ACMSD: variants seen among roughly 807,000 people sequenced by gnomAD.
ACMSD encodes the protein aminocarboxymuconate semialdehyde decarboxylase.
In ACMSD, 37 loss-of-function variants were observed where a neutral mutation model predicts 45.9. That is an observed-to-expected ratio of 0.81 (90% CI 0.62 to 1.06). ACMSD has a LOEUF of 1.06. ACMSD is among the 50% of genes least tolerant of loss of function. The pLI, the probability that ACMSD is intolerant of heterozygous loss-of-function variation, is 0.00. For synonymous variants in ACMSD, 138 were observed against 148.8 expected (o/e 0.93, Z 0.53); for missense variants, 434 against 420.9 (o/e 1.03, Z -0.27).
intron 9 of ACMSD, among the ~76,000 whole-genome samples, chr2:134,900,874 T>C (rs1259257360): frequency 2.0e-5 from 3 of 152,128 alleles, no homozygotes; most frequent in Non-Finnish European, 4.4e-5. Flanking sequence ...CAGGATCAGA[T>C]CTCCATCCAA....
chr2:134,898,138 G>A (rs546824438), intron 8 of ACMSD, among the ~76,000 whole-genome samples: 41 of 150,758 alleles, frequency 2.7e-4, no homozygotes, highest in Non-Finnish European at 4.4e-4. Context: ...ACCTAATAGT[G>A]ACACCTGCTG....
intron 2 of ACMSD, 128 bp from the exon 3 acceptor site, chr2:134,859,133 T>G (rs945452709): frequency 1.3e-6 from 1 of 777,102 alleles, no homozygotes; most frequent in South Asian, 2.0e-5. Context: ...TACTGATTTC[T>G]ACTTCCACAA....
In ACMSD at chr2:134,859,307, G is replaced by T; in HGVS notation, c.149G>T (p.Arg50Leu). ...LKDGKVFRVV[R>L]ENCWDPEVRI... is the part of the protein sequence containing the mutation. ...GATGGGAAAGTCTTCAGAGTGGTGCGAGAGAATTGCTGGGATCCAGAAGTT... is the reference window on the plus strand; with the variant it reads ...GATGGGAAAGTCTTCAGAGTGGTGCTAGAGAATTGCTGGGATCCAGAAGTT... The change falls in exon 3 of 10, where the codon CGA becomes CTA. Residue 50 changes from arginine to leucine, a missense_variant. Transcript: ENST00000356140. 6.2e-7 allele frequency: 1 copy of T among 1,614,074 alleles called. No homozygotes were observed. The highest frequency in any genetic ancestry group is 8.5e-7 in the Non-Finnish European group (1 of 1,180,012).
intron 2 of ACMSD, among the ~76,000 whole-genome samples, chr2:134,855,923 A>C (rs1354899814): frequency 6.6e-6 from 1 of 152,170 alleles, no homozygotes; most frequent in Non-Finnish European, 1.5e-5. Context: ...GACTCCACCA[A>C]GCAGAGCTCA....
At chr2:134,865,979 T>G (rs1017588300) in intron 5 of ACMSD, among the ~76,000 whole-genome samples, 1 of 152,212 alleles carries the variant, frequency 6.6e-6, no homozygotes, top group Non-Finnish European at 1.5e-5. Context: ...TAGTTAATAA[T>G]TATAAAATTC....
In ACMSD at chr2:134,886,243, A is replaced by ATTT. The variant is rs200101134; in HGVS notation, c.850-12096_850-12095insTTT. Among the ~76,000 whole-genome samples the ATTT allele has an allele frequency of 8.2e-3, 1,006 of 122,898 alleles. 31 individuals are homozygous for ATTT. In the East Asian group the frequency reaches 0.11, roughly 13 times the overall value. 80.6% of individuals were successfully genotyped at this position (122,898 alleles called of 152,430 possible). On this transcript the variant is annotated intron_variant, in intron 8 of 9. Coordinates refer to ENST00000356140, the MANE Select transcript of ACMSD (RefSeq NM_138326.3). ...AATTCATTACCCATTCATTATTATT[A>ATTT]TTATTTTTTTTTTTTTTTTTTTTTT...
intron 8 of ACMSD, among the ~76,000 whole-genome samples, chr2:134,896,175 T>C (rs1250567201): frequency 2.6e-5 from 4 of 152,222 alleles, no homozygotes; most frequent in Admixed American, 2.0e-4. Context: ...AAGACTTAAA[T>C]TGAAGAACTA....
rs1398568664 is a variant in ACMSD, at chr2:134,863,636, G to GT, written c.486+6dup. 12 of 1,613,562 alleles carry GT rather than the reference G, an allele frequency of 7.4e-6. No homozygotes were observed. Among genetic ancestry groups the GT allele is most frequent in the Non-Finnish European group, 1.0e-5 (12 of 1,179,878 alleles). The stretch of plus-strand genomic sequence containing the variant: ...GAGCTCTTTCCTGTCTATGCGGTGA[G>GT]TAGCGGGGCTGCTCAGCCAACGCCA... On this transcript the variant is annotated splice_donor_region_variant and intron_variant, in intron 5 of 9. Coordinates refer to ENST00000356140, the MANE Select transcript of ACMSD (RefSeq NM_138326.3).
At chr2:134,852,646 TG>T (rs1273850074) in intron 2 of ACMSD, among the ~76,000 whole-genome samples, 24 of 152,188 alleles carry the variant, frequency 1.6e-4, no homozygotes, top group Admixed American at 1.2e-3. Flanking sequence ...TTGGGTTGGT[TG>T]AAGTAGGGCC....
intron 8 of ACMSD, among the ~76,000 whole-genome samples, chr2:134,888,699 A>C: frequency 6.6e-6 from 1 of 150,636 alleles, no homozygotes; most frequent in East Asian, 1.9e-4. Flanking sequence ...ACTACAACAT[A>C]GATAACTCTT....
Position 134,867,598 on chromosome 2 carries a change from G to C in ACMSD, c.506G>C (p.Cys169Ser). Reference sequence around the variant, plus strand: ...TTGAAGGCAGCCGAAAGGCTGAAGTGTTCCCTGTTCGTGCATCCCTGGGAC... The same window carrying C: ...TTGAAGGCAGCCGAAAGGCTGAAGTCTTCCCTGTTCGTGCATCCCTGGGAC... ...PVYAAAERLKCSLFVHPWDMQ... is the reference protein window; with the variant it reads ...PVYAAAERLKSSLFVHPWDMQ... The change falls in exon 6 of 10, where the codon TGT becomes TCT. Residue 169 changes from cysteine (C) to serine (S), a missense_variant. Transcript: ENST00000356140. 1 of 1,613,968 alleles carries C rather than the reference G, an allele frequency of 6.2e-7. No homozygotes were observed. Among genetic ancestry groups the C allele is most frequent in the Non-Finnish European group, 8.5e-7 (1 of 1,179,912 alleles).
At chr2:134,869,784 T>C (rs551590631) in intron 6 of ACMSD, among the ~76,000 whole-genome samples, 1 of 152,102 alleles carries the variant, frequency 6.6e-6, no homozygotes, top group East Asian at 1.9e-4. Flanking sequence ...TGGTCATTAG[T>C]GGATTGGAGG....
intron 6 of ACMSD, among the ~76,000 whole-genome samples, chr2:134,870,167 TG>T (rs1196433233): frequency 6.6e-6 from 1 of 152,196 alleles, no homozygotes; most frequent in Non-Finnish European, 1.5e-5. Context: ...TTCTGAGTCA[TG>T]GTCTGAAAAG....
chr2:134,897,259 T>C (rs995113390), intron 8 of ACMSD, among the ~76,000 whole-genome samples: 1 of 152,150 alleles, frequency 6.6e-6, no homozygotes, highest in African/African-American at 2.4e-5. Flanking sequence ...AGACTGTATA[T>C]ATACAAACAT....
At chr2:134,854,193 T>G (rs1294546829) in intron 2 of ACMSD, among the ~76,000 whole-genome samples, 1 of 152,236 alleles carries the variant, frequency 6.6e-6, no homozygotes, top group Non-Finnish European at 1.5e-5. Context: ...TGATAATACA[T>G]GGTAAAATCT....
intron 2 of ACMSD, among the ~76,000 whole-genome samples, chr2:134,850,952 T>C (rs1483800825): frequency 2.0e-5 from 3 of 152,196 alleles, no homozygotes; most frequent in African/African-American, 7.2e-5. Flanking sequence ...TCCTCCCTCC[T>C]GGCCCCCTCT....
rs1019319805 is a variant in ACMSD, at chr2:134,863,451, C to T, written c.306C>T (p.Ser102=). ...AGCTTTTAAACAACGACCTTGCCAGCACCGTTGTGAGCTACCCCAGGAGGT... is the reference window on the plus strand; with the variant it reads ...AGCTTTTAAACAACGACCTTGCCAGTACCGTTGTGAGCTACCCCAGGAGGT... ...LCQLLNNDLA[S]TVVSYPRRFV... is the part of the protein sequence containing the mutation. The change falls in exon 5 of 10, where the codon AGC becomes AGT. Residue 102 remains serine, a synonymous_variant. Coordinates refer to ENST00000356140, the MANE Select transcript of ACMSD (RefSeq NM_138326.3). 1 of 1,614,250 alleles carries T rather than the reference C, an allele frequency of 6.2e-7. No homozygotes were observed. The highest frequency in any genetic ancestry group is 1.7e-5 in the Admixed American group (1 of 60,028).
chr2:134,866,565 C>A (rs1334697188), intron 5 of ACMSD, among the ~76,000 whole-genome samples: 2 of 152,182 alleles, frequency 1.3e-5, no homozygotes, highest in Non-Finnish European at 1.5e-5. Flanking sequence ...CTTCCAGAAT[C>A]CCTTGTTGTC....
At chr2:134,865,948 G>A (rs1688076446) in intron 5 of ACMSD, among the ~76,000 whole-genome samples, 2 of 152,106 alleles carry the variant, frequency 1.3e-5, no homozygotes, top group Non-Finnish European at 2.9e-5. Flanking sequence ...GTAAAAGTGC[G>A]CATCTCACAA....
Sources: allele counts gnomAD v4.1 joint callset (sites outside exome capture counted in the v4.1 genomes callset), GRCh38; gene constraint gnomAD v4.1.1; transcripts MANE v1.5; gene names NCBI Gene and HGNC (gene_info 2026-07-23, HGNC 2026-07-21).